Variants in TMEM167B observed in about 807,000 individuals in gnomAD.
TMEM167B encodes transmembrane protein 167B, also known as protein kish-B.
In TMEM167B, 2 loss-of-function variants were observed where a neutral mutation model predicts 9.4. That is an observed-to-expected ratio of 0.21 (90% CI 0.09 to 0.67). The LOEUF (loss-of-function observed/expected upper bound fraction) is 0.67, where lower values mean the gene tolerates loss of function less well. Among genes scored for constraint, TMEM167B ranks in the 30% least tolerant of loss-of-function variants. The pLI, the probability that TMEM167B is intolerant of heterozygous loss-of-function variation, is 0.82. For synonymous variants in TMEM167B, 28 were observed against 32.0 expected, an observed-to-expected ratio of 0.87 and a Z score of 0.42; for missense variants, 68 against 87.6, an observed-to-expected ratio of 0.78 and a Z score of 0.89.
Position 109,094,550 on chromosome 1 carries a change from G to T in TMEM167B, c.*51G>T. Reference sequence around the variant, plus strand: ...TGCCAACCAAGGGGACGGGGATGAAGAACCTGTTGGAGACCTGAACCCAGT... The same window carrying T: ...TGCCAACCAAGGGGACGGGGATGAATAACCTGTTGGAGACCTGAACCCAGT... On this transcript the variant is annotated 3_prime_UTR_variant, in exon 3 of 3. Transcript: ENST00000338272. 1 of 1,577,882 alleles carries T rather than the reference G, an allele frequency of 6.3e-7. No homozygotes were observed. The highest frequency in any genetic ancestry group is 1.3e-5 in the African/African-American group (1 of 74,322).
chr1:109,090,988 C>T, intron 1 of TMEM167B, 106 bp downstream of exon 1: 1 of 1,398,474 alleles, frequency 7.2e-7, no homozygotes. Context: ...CCTCCCAGCC[C>T]GGCCCCCCTT....
At chr1:109,093,090 G>T in intron 2 of TMEM167B, 69 bp downstream of exon 2, 1 of 1,579,344 alleles carries the variant, frequency 6.3e-7, no homozygotes, top group Admixed American at 1.8e-5. Context: ...AAAGTAGGGA[G>T]TACAGTGAGC....
Position 109,092,895 on chromosome 1 carries a change from T to C in TMEM167B, c.16T>C (p.Ser6Pro), listed in dbSNP as rs980597437. The C allele has an allele frequency of 1.2e-6, 2 of 1,614,048 alleles. No individual in the cohort carries two copies. Among genetic ancestry groups the C allele is most frequent in the African/African-American group, 1.3e-5 (1 of 74,930 alleles). The change falls in exon 2 of 3, where the codon TCC becomes CCC. Residue 6 changes from serine (S) to proline (P), a missense_variant. Physicochemically the swap from Ser to Pro is moderately conservative, Grantham distance 74 (BLOSUM62 -1). Coordinates refer to ENST00000338272, the MANE Select transcript of TMEM167B (RefSeq NM_020141.4). ...TTTTCTTCTTTATTTAACAGTGTAC[T>C]CCTTGGATGGGATTCTGGTGTTTGG... MTNVYSLDGILVFGLL... is the reference protein window; with the variant it reads MTNVYPLDGILVFGLL...
At chr1:109,090,977 C>G (rs1467223631) in intron 1 of TMEM167B, 95 bp downstream of exon 1, 1 of 1,438,452 alleles carries the variant, frequency 7.0e-7, no homozygotes, top group East Asian at 2.5e-5. Context: ...TCTCCCCGCC[C>G]CCTCCCAGCC....
chr1:109,090,974 G>A, intron 1 of TMEM167B, 92 bp downstream of exon 1: 3 of 1,440,886 alleles, frequency 2.1e-6, no homozygotes, highest in South Asian at 1.3e-5. Context: ...CGTTCTCCCC[G>A]CCCCCTCCCA....
intron 2 of TMEM167B, chr1:109,093,295 C>A: frequency 2.7e-6 from 1 of 366,344 alleles, no homozygotes; most frequent in East Asian, 5.6e-5. Context: ...AGTTGTAGAT[C>A]AGCCCGGGCA....
In TMEM167B at chr1:109,092,985, T is replaced by C; in HGVS notation, c.106T>C (p.Ser36Pro). Reference protein sequence around the residue: ...KVPRLKTWLLSEKKGVWGVFY... With the variant: ...KVPRLKTWLLPEKKGVWGVFY... ...ACCTCGTCTCAAAACCTGGCTGCTATCAGAGAAGAAGGGTGTTTGGGGTGT... is the reference window on the plus strand; with the variant it reads ...ACCTCGTCTCAAAACCTGGCTGCTACCAGAGAAGAAGGGTGTTTGGGGTGT... Residue 36 changes from serine to proline, a missense_variant, in exon 2 of 3, where the codon TCA becomes CCA. Coordinates refer to ENST00000338272, the MANE Select transcript of TMEM167B (RefSeq NM_020141.4). 3 of 1,614,156 alleles carry C rather than the reference T, an allele frequency of 1.9e-6. No homozygotes were observed. Among genetic ancestry groups the C allele is most frequent in the Non-Finnish European group, 2.5e-6 (3 of 1,180,028 alleles).
At position 109,094,642 on chromosome 1, in the gene TMEM167B, T is replaced by TG. The variant is rs1664527071; in HGVS notation, c.*147dup. On this transcript the variant is annotated 3_prime_UTR_variant, in exon 3 of 3. Coordinates refer to ENST00000338272, the MANE Select transcript of TMEM167B (RefSeq NM_020141.4). ...CCACAGCATCTGCCCCTGCTATATGTGGGGAAAACTCATGGTCACGAACAT... is the reference window on the plus strand; with the variant it reads ...CCACAGCATCTGCCCCTGCTATATGTGGGGGAAAACTCATGGTCACGAACAT... 1.4e-6 allele frequency: 1 copy of TG among 721,588 alleles called. No homozygotes were observed. The highest frequency in any genetic ancestry group is 1.7e-5 in the African/African-American group (1 of 57,198). 44.7% of individuals were successfully genotyped at this position (721,588 alleles called of 1,614,324 possible). A position where few individuals can be genotyped will look rare whatever the true frequency, so the allele number is the denominator to read the frequency against.
At position 109,096,037 on chromosome 1, in the gene TMEM167B, G is replaced by T. The variant is rs1274322597; in HGVS notation, c.*1538G>T. 2.0e-5 allele frequency: 3 copies of T among 152,230 alleles called. No homozygotes were observed. The highest frequency in any genetic ancestry group is 4.4e-5 in the Non-Finnish European group (3 of 68,040). 9.4% of individuals were successfully genotyped at this position (152,230 alleles called of 1,614,324 possible). ...AGCTGTGGTTGATTCCTGTGTGGCA[G>T]TAAATTGTCTTCTGTCTGCTTACTC... On this transcript the variant is annotated 3_prime_UTR_variant, in exon 3 of 3. Transcript: ENST00000338272.
intron 1 of TMEM167B, among the ~76,000 whole-genome samples, chr1:109,091,267 G>C (rs968184289): frequency 1.3e-5 from 2 of 152,194 alleles, no homozygotes; most frequent in Non-Finnish European, 2.9e-5. Flanking sequence ...GTTTTGTTGA[G>C]AGGGCCAATA....
Position 109,093,038 on chromosome 1 carries a change from A to G in TMEM167B, c.142+17A>G, listed in dbSNP as rs898330893. 1.1e-5 allele frequency: 18 copies of G among 1,613,840 alleles called. No homozygotes were observed. In the Admixed American group the frequency reaches 2.5e-4, roughly 22 times the overall value. On this transcript the variant is annotated intron_variant, in intron 2 of 2. Transcript: ENST00000338272. ...TTTACAAAGGTGAGGCCATGTCTGG[A>G]CAGGGAGAAGAGACTGCCATCTCTG...
In TMEM167B at chr1:109,094,597, C is replaced by A; in HGVS notation, c.*98C>A. On this transcript the variant is annotated 3_prime_UTR_variant, in exon 3 of 3. Coordinates refer to ENST00000338272, the MANE Select transcript of TMEM167B (RefSeq NM_020141.4). The stretch of plus-strand genomic sequence containing the variant: ...CAGTGTAGGAGAGTTCAGCTGAAAT[C>A]ATCGGTCCCCAGGATGACACCACAG... The A allele has an allele frequency of 8.6e-7, 1 of 1,169,556 alleles. No individual in the cohort carries two copies. The highest frequency in any genetic ancestry group is 1.3e-6 in the Non-Finnish European group (1 of 788,654). The allele number at this position is 1,169,556 out of a possible 1,614,324, so 72.4% of individuals were successfully genotyped here. A position where few individuals can be genotyped will look rare whatever the true frequency, so the allele number is the denominator to read the frequency against.
intron 1 of TMEM167B, among the ~76,000 whole-genome samples, chr1:109,092,171 T>C (rs1664464637): frequency 6.6e-6 from 1 of 152,238 alleles, no homozygotes; most frequent in African/African-American, 2.4e-5. Flanking sequence ...TGTTGAAGCC[T>C]TAGATACTTT....
chr1:109,091,617 G>T (rs1664452482), intron 1 of TMEM167B: 1 of 152,220 alleles, frequency 6.6e-6, no homozygotes, highest in African/African-American at 2.4e-5. Context: ...ACGATGATTT[G>T]AGGGGCTCCG....
Position 109,092,974 on chromosome 1 carries a change from C to T in TMEM167B, c.95C>T (p.Thr32Ile). Residue 32 changes from threonine to isoleucine, a missense_variant, in exon 2 of 3, where the codon ACC (threonine) becomes ATC (isoleucine). Coordinates refer to ENST00000338272, the MANE Select transcript of TMEM167B (RefSeq NM_020141.4). ...TTCAAGAAAGTACCTCGTCTCAAAACCTGGCTGCTATCAGAGAAGAAGGGT... is the reference window on the plus strand; with the variant it reads ...TTCAAGAAAGTACCTCGTCTCAAAATCTGGCTGCTATCAGAGAAGAAGGGT... Reference protein sequence around the residue: ...AYFKKVPRLKTWLLSEKKGVW... With the variant: ...AYFKKVPRLKIWLLSEKKGVW... 1 of 1,614,112 alleles carries T rather than the reference C, an allele frequency of 6.2e-7. No homozygotes were observed. The highest frequency in any genetic ancestry group is 8.5e-7 in the Non-Finnish European group (1 of 1,180,020).
At chr1:109,093,784 A>G (rs980311737) in intron 2 of TMEM167B, 3 of 152,172 alleles carry the variant, frequency 2.0e-5, no homozygotes, top group African/African-American at 7.2e-5. Context: ...TTGAAAAAGG[A>G]CAAAATATAA....
intron 1 of TMEM167B, 73 bp downstream of exon 1, chr1:109,090,955 T>G: frequency 6.6e-7 from 1 of 1,513,880 alleles, no homozygotes; most frequent in East Asian, 2.5e-5. Context: ...GGGCCGGGAC[T>G]GACGTGGCCG....
intron 1 of TMEM167B, among the ~76,000 whole-genome samples, chr1:109,091,376 A>AC (rs1664446836): frequency 6.6e-6 from 1 of 152,160 alleles, no homozygotes; most frequent in South Asian, 2.1e-4. Flanking sequence ...AAGATTTCTG[A>AC]TTTTAAAGTC....
At chr1:109,092,318 A>C (rs1256500473) in intron 1 of TMEM167B, among the ~76,000 whole-genome samples, 1 of 152,122 alleles carries the variant, frequency 6.6e-6, no homozygotes, top group Non-Finnish European at 1.5e-5. Flanking sequence ...ATTAAGCTTA[A>C]TTTTTTGCCT....
Sources: allele counts gnomAD v4.1 joint callset (sites outside exome capture counted in the v4.1 genomes callset), GRCh38; gene constraint gnomAD v4.1.1; transcripts MANE v1.5; gene names NCBI Gene and HGNC (gene_info 2026-07-23, HGNC 2026-07-21).